LRIG1: variants seen among roughly 807,000 people sequenced by gnomAD.
The protein encoded by LRIG1 is leucine rich repeats and immunoglobulin like domains 1, also known as leucine-rich repeats and immunoglobulin-like domains protein 1.
In LRIG1, 48 loss-of-function variants were observed where a neutral mutation model predicts 99.2. The ratio of observed to expected loss-of-function variants is 0.48; its 90% CI spans 0.38 to 0.62. The LOEUF is 0.62. Among genes scored for constraint, LRIG1 ranks in the 20% least tolerant of loss-of-function variants. The probability of loss-of-function intolerance (pLI) is 0.00; values close to 1 mark genes in which losing one functional copy is unlikely to be tolerated. For missense variants in LRIG1, 1,646 were observed against 1,434.4 expected (o/e 1.15, Z -2.38); for synonymous variants, 772 against 596.1 (o/e 1.29, Z -4.30).
At chr3:66,464,505 T>TAAACA (rs377427200) in intron 1 of LRIG1, among the ~76,000 whole-genome samples, 3 of 145,342 alleles carry the variant, frequency 2.1e-5, no homozygotes, top group Non-Finnish European at 4.5e-5. Flanking sequence ...CTTTATTACT[T>TAAACA]AAAAAAAAAA....
At chr3:66,405,326 G>C (rs750021196) in intron 8 of LRIG1, 48 bp from the exon 9 acceptor site, 2 of 1,480,982 alleles carry the variant, frequency 1.4e-6, no homozygotes, top group Admixed American at 3.4e-5. Context: ...GGGCGTGAAG[G>C]GAAAGCAAAC....
At chr3:66,396,104 C>T (rs981942293) in intron 11 of LRIG1, among the ~76,000 whole-genome samples, 11 of 152,242 alleles carry the variant, frequency 7.2e-5, no homozygotes, top group Non-Finnish European at 1.6e-4. Flanking sequence ...GTGGGGCTAA[C>T]GCCTTTGAGG....
intron 15 of LRIG1, 59 bp downstream of exon 15, chr3:66,382,923 C>T (rs1559764764): frequency 3.3e-6 from 5 of 1,503,996 alleles, no homozygotes; most frequent in African/African-American, 1.4e-5. Flanking sequence ...CGGCCCAGTT[C>T]CCCAGCATCA....
At chr3:66,495,669 T>C (rs1433499305) in intron 1 of LRIG1, among the ~76,000 whole-genome samples, 1 of 152,268 alleles carries the variant, frequency 6.6e-6, no homozygotes, top group Non-Finnish European at 1.5e-5. Flanking sequence ...CATGCCACTT[T>C]TTAAATAACT....
At chr3:66,406,048 T>G (rs565334848) in intron 8 of LRIG1, 1 of 986,742 alleles carries the variant, frequency 1.0e-6, no homozygotes, top group Non-Finnish European at 1.2e-6. Context: ...GTTCTTAAAT[T>G]TTCCCCCCGA....
At chr3:66,485,304 G>T (rs1057397767) in intron 1 of LRIG1, among the ~76,000 whole-genome samples, 1 of 152,078 alleles carries the variant, frequency 6.6e-6, no homozygotes, top group East Asian at 1.9e-4. Context: ...CCAGGACTAC[G>T]TACATCTTAC....
At chr3:66,390,942 A>G (rs969776859) in intron 12 of LRIG1, among the ~76,000 whole-genome samples, 1 of 152,210 alleles carries the variant, frequency 6.6e-6, no homozygotes, top group Non-Finnish European at 1.5e-5. Context: ...TCCAGAATAC[A>G]TAAAGAACTT....
chr3:66,483,292 A>G (rs557714287), intron 1 of LRIG1, among the ~76,000 whole-genome samples: 32 of 152,302 alleles, frequency 2.1e-4, no homozygotes, highest in African/African-American at 7.5e-4. Flanking sequence ...TCTCTCTGCC[A>G]TGGATGGAGA....
intron 1 of LRIG1, among the ~76,000 whole-genome samples, chr3:66,482,832 T>C (rs1032826700): frequency 6.6e-6 from 1 of 152,196 alleles, no homozygotes; most frequent in Non-Finnish European, 1.5e-5. Flanking sequence ...AGGGAAAATA[T>C]TCAAGATATT....
intron 12 of LRIG1, among the ~76,000 whole-genome samples, chr3:66,391,063 C>CCTAA (rs1701597261): frequency 6.6e-6 from 1 of 151,974 alleles, no homozygotes; most frequent in Non-Finnish European, 1.5e-5. Context: ...TGAAAACATG[C>CCTAA]CTAACATCAT....
At chr3:66,410,041 C>A in intron 7 of LRIG1, 88 bp downstream of exon 7, 1 of 1,407,744 alleles carries the variant, frequency 7.1e-7, no homozygotes. Flanking sequence ...CCCGAGGCCA[C>A]TGTGTGGTGG....
intron 1 of LRIG1, among the ~76,000 whole-genome samples, chr3:66,463,767 T>C (rs1700409637): frequency 6.6e-6 from 1 of 152,218 alleles, no homozygotes; most frequent in Non-Finnish European, 1.5e-5. Flanking sequence ...GTGTCACGTA[T>C]TGTGGCAACA....
At chr3:66,381,376 C>T (rs1701052349) in intron 17 of LRIG1, 103 bp downstream of exon 17, 5 of 1,187,012 alleles carry the variant, frequency 4.2e-6, no homozygotes, top group Admixed American at 2.1e-5. Context: ...AATTTGGAGA[C>T]AGCTGTGGAC....
chr3:66,414,349 A>C (rs1702557280), intron 5 of LRIG1, among the ~76,000 whole-genome samples: 1 of 152,082 alleles, frequency 6.6e-6, no homozygotes, highest in African/African-American at 2.4e-5. Flanking sequence ...GTGAGCTGAG[A>C]TCACACCACT....
chr3:66,421,871 A>G (rs1384032031), intron 3 of LRIG1, among the ~76,000 whole-genome samples: 1 of 152,242 alleles, frequency 6.6e-6, no homozygotes, highest in African/African-American at 2.4e-5. Context: ...AGGCATTTCC[A>G]TACATGCTCT....
rs1372860717 is a variant in LRIG1, at chr3:66,383,327, C to T, written c.2146G>A (p.Ala716Thr). 6.2e-7 allele frequency: 1 copy of T among 1,600,672 alleles called. No individual in the cohort carries two copies. The highest frequency in any genetic ancestry group is 8.5e-7 in the Non-Finnish European group (1 of 1,169,826). Residue 716 changes from alanine (A) to threonine (T), a missense_variant, in exon 15 of 19, where the codon GCC (alanine) becomes ACC (threonine). Transcript: ENST00000273261. ...VGETVALQCKATGNPPPRITW... is the reference protein window; with the variant it reads ...VGETVALQCKTTGNPPPRITW... The stretch of plus-strand genomic sequence containing the variant: ...ATGCGGGGCGGAGGGTTCCCCGTGG[C>T]TTTGCATTGGAGGGCCACTGTTTCT...
chr3:66,440,814 T>G (rs931918499), intron 3 of LRIG1, among the ~76,000 whole-genome samples: 4 of 152,210 alleles, frequency 2.6e-5, no homozygotes, highest in African/African-American at 9.6e-5. Flanking sequence ...TATCATTTTA[T>G]GAGTGAGAAA....
chr3:66,391,191 G>C (rs932202138), intron 12 of LRIG1, among the ~76,000 whole-genome samples: 1 of 152,136 alleles, frequency 6.6e-6, no homozygotes, highest in Admixed American at 6.5e-5. Flanking sequence ...GGAGAAATTG[G>C]AATTCTCATG....
At chr3:66,451,336 T>C (rs1006625980) in intron 3 of LRIG1, among the ~76,000 whole-genome samples, 13 of 151,998 alleles carry the variant, frequency 8.6e-5, no homozygotes, top group African/African-American at 3.1e-4. Context: ...AAAGACCTAC[T>C]TTCTTGCAAA....
Sources: allele counts gnomAD v4.1 joint callset (sites outside exome capture counted in the v4.1 genomes callset), GRCh38; gene constraint gnomAD v4.1.1; transcripts MANE v1.5; gene names NCBI Gene and HGNC (gene_info 2026-07-23, HGNC 2026-07-21).